The following SERINC5 variants were observed in gnomAD, a reference collection of about 807,000 sequenced individuals.
SERINC5 encodes chromosome 5 open reading frame 12.
Under a neutral mutation model 63.1 loss-of-function variants are expected in SERINC5, and 41 were observed. The observed-to-expected ratio is 0.65, with a 90% confidence interval of 0.51 to 0.84. SERINC5 has a LOEUF of 0.84. Among genes scored for constraint, SERINC5 ranks in the 40% least tolerant of loss-of-function variants. The probability of loss-of-function intolerance (pLI) is 0.00; values close to 1 mark genes in which losing one functional copy is unlikely to be tolerated. For synonymous variants in SERINC5, 222 were observed against 215.2 expected (o/e 1.03, Z -0.28); for missense variants, 523 against 573.0 (o/e 0.91, Z 0.89).
intron 11 of SERINC5, among the ~76,000 whole-genome samples, chr5:80,117,295 C>T (rs1744370966): frequency 6.6e-6 from 1 of 152,080 alleles, no homozygotes; most frequent in African/African-American, 2.4e-5. Flanking sequence ...CCTCTCTGAG[C>T]CTCAGTTTCC....
At chr5:80,196,424 A>C (rs982261920) in intron 2 of SERINC5, among the ~76,000 whole-genome samples, 7 of 152,312 alleles carry the variant, frequency 4.6e-5, no homozygotes, top group East Asian at 1.9e-4. Context: ...TGAATATCCC[A>C]CATTACTGGT....
chr5:80,154,304 C>G (rs3763034), intron 8 of SERINC5, among the ~76,000 whole-genome samples: 1 of 152,116 alleles, frequency 6.6e-6, no homozygotes, highest in African/African-American at 2.4e-5. Context: ...CTCAGCCTCC[C>G]GAGTAGCTGG....
At chr5:80,119,915 G>A (rs1334010040) in intron 11 of SERINC5, among the ~76,000 whole-genome samples, 1 of 152,298 alleles carries the variant, frequency 6.6e-6, no homozygotes, top group South Asian at 2.1e-4. Context: ...CTAGGTAGGG[G>A]CTTGCTACCT....
rs559625419 is a variant in SERINC5 at position 80,166,811 on chromosome 5, G to GA, written c.764-334dup. On this transcript the variant is annotated intron_variant, in intron 6 of 11. Coordinates refer to ENST00000507668, the MANE Select transcript of SERINC5 (RefSeq NM_001174072.3). ...CATTAGTTCTTAAATCACAAGATCA[G>GA]AAAAAAAATTACCATAGTTGTTGAT... 16 of 209,342 alleles carry GA rather than the reference G, an allele frequency of 7.6e-5. 1 individual carries two copies. The highest frequency in any genetic ancestry group is 2.1e-4 in the Admixed American group (4 of 18,870). The allele number at this position is 209,342 out of a possible 1,614,324, so 13.0% of individuals were successfully genotyped here. A position where few individuals can be genotyped will look rare whatever the true frequency, so the allele number is the denominator to read the frequency against.
chr5:80,171,883 T>C (rs773944292), intron 5 of SERINC5, among the ~76,000 whole-genome samples: 27 of 147,648 alleles, frequency 1.8e-4, no homozygotes, highest in Non-Finnish European at 3.5e-4. Flanking sequence ...CCTGTCTCTT[T>C]AAAAAAAAAG....
chr5:80,112,489 C>T (rs148009021), intron 12 of SERINC5, among the ~76,000 whole-genome samples: 7,474 of 152,198 alleles, frequency 0.049, 606 homozygotes, highest in African/African-American at 0.17. Flanking sequence ...ACTGAGGGAA[C>T]TCAGAGACCG....
At chr5:80,185,401 G>T (rs1050523781) in intron 2 of SERINC5, among the ~76,000 whole-genome samples, 4 of 152,162 alleles carry the variant, frequency 2.6e-5, no homozygotes, top group African/African-American at 9.7e-5. Flanking sequence ...GGAGTTGCCT[G>T]AGAATTACAT....
chr5:80,195,449 C>A (rs756048850), intron 2 of SERINC5, among the ~76,000 whole-genome samples: 27 of 152,066 alleles, frequency 1.8e-4, no homozygotes, highest in Non-Finnish European at 4.0e-4. Context: ...TAACACCACA[C>A]GTATTTGCTG....
chr5:80,164,729 T>A (rs748114808), intron 7 of SERINC5, among the ~76,000 whole-genome samples: 4 of 152,094 alleles, frequency 2.6e-5, no homozygotes, highest in Non-Finnish European at 5.9e-5. Context: ...GGGTTTGATT[T>A]CTTCTTGATT....
At chr5:80,235,379 T>C (rs1467242135) in intron 1 of SERINC5, among the ~76,000 whole-genome samples, 2 of 152,216 alleles carry the variant, frequency 1.3e-5, no homozygotes, top group Non-Finnish European at 2.9e-5. Context: ...TTAGTCTTCA[T>C]TATCAGTGTT....
intron 1 of SERINC5, among the ~76,000 whole-genome samples, chr5:80,209,587 GTAGA>G (rs1345997892): frequency 6.6e-6 from 1 of 152,212 alleles, no homozygotes; most frequent in African/African-American, 2.4e-5. Flanking sequence ...ACACATATGT[GTAGA>G]TACAAGACCA....
intron 1 of SERINC5, among the ~76,000 whole-genome samples, chr5:80,236,663 T>A (rs904811545): frequency 1.3e-5 from 2 of 151,826 alleles, no homozygotes; most frequent in African/African-American, 2.4e-5. Flanking sequence ...GTAGCTGGGA[T>A]TACAGGTGCA....
intron 1 of SERINC5, among the ~76,000 whole-genome samples, chr5:80,222,862 C>T (rs1009823349): frequency 6.6e-6 from 1 of 151,890 alleles, no homozygotes; most frequent in Non-Finnish European, 1.5e-5. Context: ...GTGTGGGCCA[C>T]CATACCGGCC....
At chr5:80,192,406 TGAA>T (rs1749242439) in intron 2 of SERINC5, among the ~76,000 whole-genome samples, 1 of 151,656 alleles carries the variant, frequency 6.6e-6, no homozygotes, top group Non-Finnish European at 1.5e-5. Flanking sequence ...GGGCCTTAAG[TGAA>T]TCAAACTGTG....
intron 1 of SERINC5, among the ~76,000 whole-genome samples, chr5:80,228,591 G>C (rs1751280901): frequency 6.6e-6 from 1 of 152,034 alleles, no homozygotes; most frequent in Admixed American, 6.6e-5. Context: ...AAGTACTTAG[G>C]ACTACAGGCA....
chr5:80,238,644 G>A (rs112429334), intron 1 of SERINC5, among the ~76,000 whole-genome samples: 1,926 of 152,014 alleles, frequency 0.013, 44 homozygotes, highest in African/African-American at 0.043. Context: ...TTTGCTGGGC[G>A]TGATGGCAGG....
chr5:80,232,233 T>C (rs1035695865), intron 1 of SERINC5, among the ~76,000 whole-genome samples: 1 of 147,178 alleles, frequency 6.8e-6, no homozygotes, highest in African/African-American at 2.5e-5. Context: ...TAAAACCCTG[T>C]CTCTACTAAA....
chr5:80,205,901 G>A (rs971657312), intron 1 of SERINC5, among the ~76,000 whole-genome samples: 2 of 143,994 alleles, frequency 1.4e-5, no homozygotes, highest in Admixed American at 1.5e-4. Context: ...GTGAAACCTC[G>A]TCTCTACTAA....
At chr5:80,215,201 G>A (rs1414787669) in intron 1 of SERINC5, among the ~76,000 whole-genome samples, 1 of 152,146 alleles carries the variant, frequency 6.6e-6, no homozygotes, top group African/African-American at 2.4e-5. Context: ...CCATCCACTT[G>A]GTACTGTTCT....
Sources: allele counts gnomAD v4.1 joint callset (sites outside exome capture counted in the v4.1 genomes callset), GRCh38; gene constraint gnomAD v4.1.1; transcripts MANE v1.5; gene names NCBI Gene and HGNC (gene_info 2026-07-23, HGNC 2026-07-21).